ADHFE1: variants seen among roughly 807,000 people sequenced by gnomAD.
The protein encoded by ADHFE1 is hydroxyacid-oxoacid transhydrogenase, mitochondrial.
ADHFE1 carries 37 observed loss-of-function variants against 54.8 expected under a neutral mutation model. The observed-to-expected ratio is 0.68, with a 90% CI of 0.52 to 0.89. ADHFE1 has a LOEUF of 0.89. Among genes scored for constraint, ADHFE1 ranks in the 40% least tolerant of loss-of-function variants. ADHFE1 has a pLI of 0.00. For synonymous variants in ADHFE1, 203 were observed against 229.3 expected (o/e 0.89, Z 1.04); for missense variants, 601 against 591.2 (o/e 1.02, Z -0.17).
chr8:66,437,172 T>G (rs1035334078), intron 1 of ADHFE1, among the ~76,000 whole-genome samples: 30 of 151,974 alleles, frequency 2.0e-4, no homozygotes, highest in African/African-American at 6.3e-4. Context: ...GTTTCTGGTT[T>G]TGTTATGTAA....
intron 1 of ADHFE1, among the ~76,000 whole-genome samples, chr8:66,436,117 T>C (rs557168276): frequency 3.9e-4 from 59 of 152,132 alleles, no homozygotes; most frequent in African/African-American, 1.3e-3. Flanking sequence ...GGTTTTGCCA[T>C]GTTAGCCAGG....
At chr8:66,442,911 C>A in intron 3 of ADHFE1, 67 bp downstream of exon 3, 2 of 1,247,852 alleles carry the variant, frequency 1.6e-6, no homozygotes, top group Non-Finnish European at 2.2e-6. Context: ...GAATATTTTG[C>A]TAATGAATTA....
Position 66,444,702 on chromosome 8 carries a change from C to T in ADHFE1, c.307C>T (p.Pro103Ser), listed in dbSNP as rs773283314. The change falls in exon 5 of 14, where the codon CCC becomes TCC. Residue 103 changes from proline (P) to serine (S), a missense_variant. Pro to Ser is a moderately conservative substitution (Grantham distance 74). Coordinates refer to ENST00000396623, the MANE Select transcript of ADHFE1 (RefSeq NM_144650.3). ...AMDSLVKNGI[P>S]FTVYDNVRVE... ...GGATTCCCTAGTGAAGAATGGCATC[C>T]CCTTTACGGTTTATGATAATGTGAG... The T allele has an allele frequency of 1.9e-6, 3 of 1,614,144 alleles. No individual in the cohort carries two copies. The highest frequency in any genetic ancestry group is 2.2e-5 in the South Asian group (2 of 91,060).
intron 10 of ADHFE1, 98 bp from the exon 11 acceptor site, chr8:66,456,719 T>A: frequency 1.2e-6 from 1 of 861,882 alleles, no homozygotes; most frequent in Non-Finnish European, 1.9e-6. Context: ...TGATACTGTC[T>A]AGAGGCCGTG....
chr8:66,457,068 A>T lies in ADHFE1; in HGVS notation c.1066-2A>T. ...CGGTCACCGCATTTCGTTTCTCCCC[A>T]GCCCCATGGCCTTTCTGTGGTGCTC... On this transcript the variant is annotated splice_acceptor_variant, in intron 11 of 13. Coordinates refer to ENST00000396623, the MANE Select transcript of ADHFE1 (RefSeq NM_144650.3). LOFTEE classifies it high-confidence loss of function. 1 of 1,612,634 alleles carries T rather than the reference A, an allele frequency of 6.2e-7. No homozygotes were observed. The highest frequency in any genetic ancestry group is 8.5e-7 in the Non-Finnish European group (1 of 1,179,146).
intron 10 of ADHFE1, among the ~76,000 whole-genome samples, chr8:66,455,772 A>C (rs576752790): frequency 6.6e-6 from 1 of 152,148 alleles, no homozygotes; most frequent in Admixed American, 6.5e-5. Flanking sequence ...AAAATACAAA[A>C]ATTAGCCAAG....
chr8:66,451,894 A>C (rs1365219124), intron 8 of ADHFE1, 59 bp from the exon 9 acceptor site: 2 of 1,583,890 alleles, frequency 1.3e-6, no homozygotes, highest in Non-Finnish European at 1.7e-6. Context: ...TGTGATCTAA[A>C]TGGAGGGAAG....
At chr8:66,457,935 T>A (rs565279854) in intron 12 of ADHFE1, among the ~76,000 whole-genome samples, 4 of 152,272 alleles carry the variant, frequency 2.6e-5, no homozygotes, top group Non-Finnish European at 5.9e-5. Flanking sequence ...AACTGGAAAC[T>A]TTTTTTCACC....
At chr8:66,464,418 A>G (rs531833442) in intron 13 of ADHFE1, among the ~76,000 whole-genome samples, 2 of 152,302 alleles carry the variant, frequency 1.3e-5, no homozygotes, top group East Asian at 3.9e-4. Flanking sequence ...AGGGCCTTTG[A>G]GCTCATCAGA....
At chr8:66,434,767 C>G (rs778961034) in intron 1 of ADHFE1, among the ~76,000 whole-genome samples, 16 of 152,238 alleles carry the variant, frequency 1.1e-4, no homozygotes, top group Non-Finnish European at 2.4e-4. Context: ...AAGGCGTGCA[C>G]TGGCCAGAGA....
chr8:66,445,354 G>A lies in ADHFE1; in HGVS notation c.490G>A (p.Val164Ile). The change falls in exon 6 of 14, where the codon GTC (valine) becomes ATC (isoleucine). Residue 164 changes from valine (V) to isoleucine (I), a missense_variant. Coordinates refer to ENST00000396623, the MANE Select transcript of ADHFE1 (RefSeq NM_144650.3). The stretch of plus-strand genomic sequence containing the variant: ...CCCTCATTCTGATTTCCTAGATTAT[G>A]TCAGTGCCCCCATTGGCAAGGGAAA... ...SSPHSDFLDY[V>I]SAPIGKGKPV... 1 of 1,613,970 alleles carries A rather than the reference G, an allele frequency of 6.2e-7. No homozygotes were observed. Among genetic ancestry groups the A allele is most frequent in the Non-Finnish European group, 8.5e-7 (1 of 1,179,996 alleles).
chr8:66,445,109 A>T (rs1283103891), intron 5 of ADHFE1, 109 bp from the exon 6 acceptor site: 10 of 1,138,904 alleles, frequency 8.8e-6, no homozygotes, highest in South Asian at 8.4e-5. Context: ...TCAAAAAAAA[A>T]ACAAAAACAA....
At chr8:66,440,091 T>C in intron 1 of ADHFE1, 71 bp from the exon 2 acceptor site, 1 of 1,475,606 alleles carries the variant, frequency 6.8e-7, no homozygotes, top group East Asian at 2.3e-5. Context: ...GTGAGTTAGC[T>C]TAAGGCTTTT....
intron 12 of ADHFE1, chr8:66,459,410 T>TTATATATATATATATATATA (rs757679416): frequency 3.8e-5 from 5 of 131,556 alleles, no homozygotes; most frequent in African/African-American, 1.5e-4. Context: ...TTAATTTTTA[T>TTATATATATATATATATATA]TATATATATA....
rs376412101 is a variant in ADHFE1, at chr8:66,460,313, G to A, written c.1168G>A (p.Asp390Asn). The A allele has an allele frequency of 3.6e-5, 58 of 1,614,014 alleles. No individual in the cohort carries two copies. The South Asian group carries it at 5.1e-4, about 14-fold the overall frequency. ...CAGCACTTTATGTCTTCTAGGAGCC[G>A]ACACCCGCACTGCCAGGATCCAAGA... is the stretch of plus-strand genomic sequence containing the variant. ...HLEMAEILGA[D>N]TRTARIQDAG... The change falls in exon 13 of 14, where the codon GAC becomes AAC. Residue 390 changes from aspartate to asparagine, a missense_variant. Coordinates refer to ENST00000396623, the MANE Select transcript of ADHFE1 (RefSeq NM_144650.3).
intron 13 of ADHFE1, among the ~76,000 whole-genome samples, 154 bp downstream of exon 13, chr8:66,460,619 T>C (rs920629143): frequency 1.3e-5 from 2 of 152,212 alleles, no homozygotes; most frequent in African/African-American, 4.8e-5. Context: ...TGTCCTTTCC[T>C]GGTGCAACAG....
intron 13 of ADHFE1, 127 bp from the exon 14 acceptor site, chr8:66,468,142 C>T (rs2719005): frequency 0.51 from 316,289 of 622,694 alleles, 83,648 homozygotes; most frequent in African/African-American, 0.72. Context: ...ACAAGAAATA[C>T]CGTTTTTAAA....
intron 1 of ADHFE1, among the ~76,000 whole-genome samples, chr8:66,437,939 G>A (rs889401066): frequency 2.0e-5 from 3 of 152,226 alleles, no homozygotes; most frequent in African/African-American, 7.2e-5. Flanking sequence ...GTTACAGGCA[G>A]AGGAAATAAT....
intron 1 of ADHFE1, chr8:66,432,834 TG>T (rs1805273323): frequency 8.2e-7 from 1 of 1,222,452 alleles, no homozygotes; most frequent in African/African-American, 1.6e-5. Flanking sequence ...AGAGAGGACC[TG>T]GTCCCACATC....
Sources: gnomAD v4.1 joint callset for allele counts (sites outside exome capture counted in the v4.1 genomes callset) on GRCh38, gnomAD v4.1.1 for gene constraint, MANE v1.5 for transcripts, NCBI Gene and HGNC (gene_info 2026-07-23, HGNC 2026-07-21) for gene names.